The following ANK1 variants were observed in gnomAD, a reference collection of about 807,000 sequenced individuals.
ANK1 encodes ankyrin 1.
Under a neutral mutation model 210.4 loss-of-function variants are expected in ANK1, and 51 were observed. The observed-to-expected ratio is 0.24, with a 90% CI of 0.19 to 0.31. ANK1 has a LOEUF of 0.31. Among genes scored for constraint, ANK1 ranks in the 10% least tolerant of loss-of-function variants. The probability of loss-of-function intolerance (pLI) is 1.00; values close to 1 mark genes in which losing one functional copy is unlikely to be tolerated. For missense variants in ANK1, 2,051 were observed against 2,504.4 expected (o/e 0.82, Z 3.86); for synonymous variants, 967 against 1,025.9 (o/e 0.94, Z 1.10).
chr8:41,660,920 G>T (rs1807870869), intron 42 of ANK1: 2 of 283,472 alleles, frequency 7.1e-6, no homozygotes, highest in Non-Finnish European at 1.4e-5. Context: ...CAACTCTCCT[G>T]TCCTCTTCAA....
At position 41,685,218 on chromosome 8, in the gene ANK1, C is replaced by T. The variant is rs556990865; in HGVS notation, c.4391-528G>A. ...TGCTGGGATTATAGGCATGAGCCAC[C>T]GTGCCCACCACAGTGGCCAATTTAA... On this transcript the variant is annotated intron_variant, in intron 36 of 42. Transcript: ENST00000289734. 9.2e-5 allele frequency among the ~76,000 whole-genome samples: 14 copies of T among 152,250 alleles called. No individual in the cohort carries two copies. The South Asian group carries it at 2.7e-3, about 29-fold the overall frequency.
rs1364544683 is a variant in ANK1, at chr8:41,694,736, C to T, written c.3183G>A (p.Leu1061=). The T allele has an allele frequency of 1.2e-6, 2 of 1,614,174 alleles. No homozygotes were observed. The highest frequency in any genetic ancestry group is 1.1e-5 in the South Asian group (1 of 91,086). The change falls in exon 28 of 43, where the codon CTG becomes CTA. Residue 1061 remains leucine (L), a synonymous_variant. Transcript: ENST00000289734. The surrounding 1 kb of genome is among the most constrained non-coding windows in gnomAD (Gnocchi z 5.7). The stretch of plus-strand genomic sequence containing the variant: ...AGAGCCGTGACATGATCACGAAGTA[C>T]AGCGGGAAGTCGGTGGTGATGATTC... ...VCRIITTDFP[L]YFVIMSRLCQ...
At chr8:41,718,470 A>G (rs997855109) in intron 10 of ANK1, among the ~76,000 whole-genome samples, 16 of 152,338 alleles carry the variant, frequency 1.1e-4, no homozygotes, top group Admixed American at 3.9e-4. Flanking sequence ...AAATTTATTC[A>G]TATTTTGGAT....
At chr8:41,863,284 A>G (rs953299151) in intron 1 of ANK1, among the ~76,000 whole-genome samples, 9 of 151,986 alleles carry the variant, frequency 5.9e-5, no homozygotes, top group South Asian at 2.1e-4. Context: ...GCGTGAACCC[A>G]GGAGGCAGAG....
intron 2 of ANK1, among the ~76,000 whole-genome samples, chr8:41,741,740 G>T (rs28476178): frequency 1.9e-3 from 283 of 152,276 alleles, no homozygotes; most frequent in African/African-American, 6.4e-3. Context: ...GCATGAGATG[G>T]GTTCAGGAAA....
chr8:41,791,161 AG>A (rs1563778649), intron 1 of ANK1, among the ~76,000 whole-genome samples: 45 of 144,904 alleles, frequency 3.1e-4, no homozygotes, highest in Non-Finnish European at 6.0e-5. Flanking sequence ...GACCTGTGCC[AG>A]CCTCTTTTCA....
At chr8:41,741,137 G>A (rs1162964435) in intron 2 of ANK1, among the ~76,000 whole-genome samples, 1 of 152,200 alleles carries the variant, frequency 6.6e-6, no homozygotes, top group Non-Finnish European at 1.5e-5. Flanking sequence ...TAGGGGAGGG[G>A]AGGCCTGTTT....
intron 1 of ANK1, among the ~76,000 whole-genome samples, chr8:41,818,625 CTCTT>C (rs1245587939): frequency 6.6e-5 from 10 of 151,856 alleles, no homozygotes; most frequent in Non-Finnish European, 1.2e-4. Flanking sequence ...CTTTCTCTCT[CTCTT>C]TTTCTTTCTT....
intron 42 of ANK1, among the ~76,000 whole-genome samples, chr8:41,658,198 C>G (rs1026495479): frequency 5.9e-5 from 9 of 152,160 alleles, no homozygotes; most frequent in African/African-American, 2.2e-4. Flanking sequence ...AACATAAACT[C>G]AGCAACCATC....
At chr8:41,863,274 G>T (rs1813659068) in intron 1 of ANK1, among the ~76,000 whole-genome samples, 1 of 151,728 alleles carries the variant, frequency 6.6e-6, no homozygotes. Context: ...CAGGAGAATG[G>T]CGTGAACCCA....
upstream of ANK1, among the ~76,000 whole-genome samples, chr8:41,798,459 G>T (rs888639245): frequency 1.3e-5 from 2 of 152,254 alleles, no homozygotes; most frequent in African/African-American, 2.4e-5. Flanking sequence ...GCAGCTGCCA[G>T]AAGGTCGGGG....
At chr8:41,727,492 A>G in intron 4 of ANK1, 144 bp from the exon 5 acceptor site, 1 of 725,290 alleles carries the variant, frequency 1.4e-6, no homozygotes, top group South Asian at 1.5e-5. Flanking sequence ...ACTCATTGTC[A>G]TGGTGACTGG....
At chr8:41,830,147 A>T (rs1356239834) in intron 1 of ANK1, among the ~76,000 whole-genome samples, 10 of 151,434 alleles carry the variant, frequency 6.6e-5, no homozygotes. Context: ...CATACCTTTT[A>T]TTTGGGCAAG....
At chr8:41,788,358 G>A (rs1846867280) in intron 1 of ANK1, among the ~76,000 whole-genome samples, 2 of 152,180 alleles carry the variant, frequency 1.3e-5, no homozygotes, top group Admixed American at 6.5e-5. Flanking sequence ...TCATTGTGAA[G>A]TCGGAGTACT....
intron 1 of ANK1, among the ~76,000 whole-genome samples, chr8:41,857,822 T>TGAAC (rs201848695): frequency 0.012 from 1,856 of 152,162 alleles, 46 homozygotes; most frequent in African/African-American, 0.043. Context: ...GAGAATCACT[T>TGAAC]GAACCCGCAA....
Position 41,837,512 on chromosome 8 carries a change from G to A in ANK1, c.126+58843C>T, listed in dbSNP as rs143932445. The stretch of plus-strand genomic sequence containing the variant: ...TCCACCTGTCAAATGGGATATTTGC[G>A]AAAATTAAATGAAATAATATGTATG... On this transcript the variant is annotated intron_variant, in intron 1 of 42. Coordinates refer to the ANK1 transcript ENST00000265709. 9.2e-5 allele frequency among the ~76,000 whole-genome samples: 14 copies of A among 152,262 alleles called. No individual in the cohort carries two copies. The East Asian group carries it at 2.3e-3, about 25-fold the overall frequency.
chr8:41,696,874 A>AGGTGCCACGTGGAGAAAGT, intron 24 of ANK1, 101 bp from the exon 25 acceptor site: 1 of 1,147,412 alleles, frequency 8.7e-7, no homozygotes, highest in Non-Finnish European at 1.3e-6. Context: ...GCTAGAAACC[A>AGGTGCCACGTGGAGAAAGT]GGTGCCACGT....
chr8:41,733,879 C>G, intron 3 of ANK1, 92 bp downstream of exon 3: 1 of 1,030,920 alleles, frequency 9.7e-7, no homozygotes. Context: ...CAGATGCATG[C>G]CTGAGTTCTC....
rs76398793 is a variant in ANK1, at chr8:41,838,503, C to T, written c.126+57852G>A. Among the ~76,000 whole-genome samples the T allele has an allele frequency of 4.4e-3, 675 of 152,274 alleles. 4 individuals are homozygous for T. The highest frequency in any genetic ancestry group is 0.028 in the East Asian group (147 of 5,186). On this transcript the variant is annotated intron_variant, in intron 1 of 42. Coordinates refer to the ANK1 transcript ENST00000265709. ...ACAATGGGCTGGGCATGGTGGCTCACGTCTGTAATTGCAGCACTTTGGGAG... is the reference window on the plus strand; with the variant it reads ...ACAATGGGCTGGGCATGGTGGCTCATGTCTGTAATTGCAGCACTTTGGGAG...
Sources: allele counts gnomAD v4.1 joint callset (sites outside exome capture counted in the v4.1 genomes callset), GRCh38; gene constraint gnomAD v4.1.1; non-coding constraint Gnocchi (gnomAD v3.1); transcripts MANE v1.5; gene names NCBI Gene and HGNC (gene_info 2026-07-23, HGNC 2026-07-21).